PCDH7: variants seen among roughly 807,000 people sequenced by gnomAD.
PCDH7 encodes protocadherin-7.
Under a neutral mutation model 58.9 loss-of-function variants are expected in PCDH7, and 17 were observed. That is an observed-to-expected ratio of 0.29 (90% CI 0.20 to 0.43). The LOEUF (loss-of-function observed/expected upper bound fraction) is 0.43, where lower values mean the gene tolerates loss of function less well. Ranked by LOEUF, PCDH7 falls within the 20% of genes least tolerant of loss-of-function variation. The pLI is 1.00. For synonymous variants in PCDH7, 664 were observed against 616.4 expected, an observed-to-expected ratio of 1.08 and a Z score of -1.14; for missense variants, 1,274 against 1,441.0, an observed-to-expected ratio of 0.88 and a Z score of 1.88.
intron 1 of PCDH7, among the ~76,000 whole-genome samples, chr4:30,878,503 A>G (rs796302091): frequency 2.6e-5 from 4 of 152,216 alleles, no homozygotes; most frequent in African/African-American, 9.6e-5. Context: ...GAATAACGTG[A>G]TGCAAAAGGA....
chr4:31,095,047 A>G (rs1713777604), intron 3 of PCDH7, among the ~76,000 whole-genome samples: 1 of 152,206 alleles, frequency 6.6e-6, no homozygotes, highest in African/African-American at 2.4e-5. Context: ...TTCAGAAACA[A>G]AAAGACCTTT....
chr4:30,962,559 G>A (rs1225162731), intron 3 of PCDH7, among the ~76,000 whole-genome samples: 1 of 151,914 alleles, frequency 6.6e-6, no homozygotes, highest in Non-Finnish European at 1.5e-5. Flanking sequence ...AACCCAAGTG[G>A]GAGGATTACT....
chr4:30,767,352 C>T (rs1252181981), intron 1 of PCDH7, among the ~76,000 whole-genome samples: 1 of 152,110 alleles, frequency 6.6e-6, no homozygotes. Context: ...AATAAGAACA[C>T]GGGTGATTAG....
chr4:30,762,723 G>T (rs1720187363), intron 1 of PCDH7, among the ~76,000 whole-genome samples: 1 of 152,206 alleles, frequency 6.6e-6, no homozygotes, highest in Admixed American at 6.5e-5. Flanking sequence ...TAGATCTTCA[G>T]AGTAAGGCAG....
At chr4:30,979,325 C>CAAA (rs80272564) in intron 3 of PCDH7, among the ~76,000 whole-genome samples, 1 of 96,640 alleles carries the variant, frequency 1.0e-5, no homozygotes, top group African/African-American at 3.9e-5. Context: ...AACTCTGTCT[C>CAAA]AAAAAAAAAA....
chr4:30,966,622 A>T (rs1037304402), intron 3 of PCDH7, among the ~76,000 whole-genome samples: 1 of 151,988 alleles, frequency 6.6e-6, no homozygotes, highest in Non-Finnish European at 1.5e-5. Context: ...GTAAGCAGGG[A>T]TGTGTTTAGT....
intron 2 of PCDH7, among the ~76,000 whole-genome samples, chr4:30,944,446 C>T (rs983464750): frequency 1.3e-5 from 2 of 151,832 alleles, no homozygotes; most frequent in African/African-American, 2.4e-5. Flanking sequence ...CAGATATACC[C>T]CACATAAGCA....
At chr4:30,733,393 T>C (rs1715792607), downstream of PCDH7, among the ~76,000 whole-genome samples, 1 of 152,102 alleles carries the variant, frequency 6.6e-6, no homozygotes, top group Non-Finnish European at 1.5e-5. Flanking sequence ...TTTGCCCTCA[T>C]GGAATTAATA....
At chr4:30,944,676 T>G (rs563994324) in intron 2 of PCDH7, among the ~76,000 whole-genome samples, 3 of 152,242 alleles carry the variant, frequency 2.0e-5, no homozygotes, top group African/African-American at 7.2e-5. Context: ...AACAAACAAC[T>G]GTAAGTCAGG....
intron 1 of PCDH7, among the ~76,000 whole-genome samples, chr4:30,861,324 CATG>C (rs1461620384): frequency 6.6e-6 from 1 of 152,144 alleles, no homozygotes; most frequent in Non-Finnish European, 1.5e-5. Context: ...GCAGGTATAA[CATG>C]ATTAACCAGG....
chr4:30,795,114 G>A (rs1724620745), intron 1 of PCDH7, among the ~76,000 whole-genome samples: 1 of 152,082 alleles, frequency 6.6e-6, no homozygotes, highest in African/African-American at 2.4e-5. Flanking sequence ...GAGACTTTGG[G>A]GAAGTTACTT....
chr4:31,050,923 G>T (rs1391337649), intron 3 of PCDH7, among the ~76,000 whole-genome samples: 1 of 152,012 alleles, frequency 6.6e-6, no homozygotes, highest in Non-Finnish European at 1.5e-5. Context: ...TTATAGCTAG[G>T]TTCTCTGCTT....
At chr4:31,098,282 CAT>C (rs983975890) in intron 3 of PCDH7, among the ~76,000 whole-genome samples, 1 of 152,300 alleles carries the variant, frequency 6.6e-6, no homozygotes, top group Non-Finnish European at 1.5e-5. Context: ...TGGAAAAAGT[CAT>C]AAGCTATTTT....
At chr4:30,977,633 A>G (rs529843728) in intron 3 of PCDH7, among the ~76,000 whole-genome samples, 3 of 152,300 alleles carry the variant, frequency 2.0e-5, no homozygotes, top group African/African-American at 7.2e-5. Flanking sequence ...ATTTTCATGC[A>G]CTAGAGTGTT....
chr4:30,949,760 A>G (rs1560527543), intron 2 of PCDH7, among the ~76,000 whole-genome samples: 1 of 152,110 alleles, frequency 6.6e-6, no homozygotes, highest in Non-Finnish European at 1.5e-5. Flanking sequence ...GAAAGAAAAT[A>G]CATATCTATT....
chr4:30,955,519 T>G (rs982104757), intron 3 of PCDH7, among the ~76,000 whole-genome samples: 5 of 151,500 alleles, frequency 3.3e-5, no homozygotes, highest in Non-Finnish European at 7.4e-5. Flanking sequence ...TTATTTTATT[T>G]TATTTCATTT....
intron 1 of PCDH7, among the ~76,000 whole-genome samples, chr4:30,789,603 G>T (rs1021297092): frequency 2.0e-5 from 3 of 151,082 alleles, no homozygotes; most frequent in Admixed American, 1.3e-4. Flanking sequence ...TGTATAGAGG[G>T]TTTTTTTTTC....
intron 3 of PCDH7, among the ~76,000 whole-genome samples, chr4:31,078,108 C>A (rs1292115179): frequency 1.3e-5 from 2 of 152,112 alleles, no homozygotes; most frequent in Non-Finnish European, 2.9e-5. Context: ...CCTCCCTGAA[C>A]AAATTAGGGA....
rs1001199152 is a variant in PCDH7, at chr4:31,090,777, T to C, written c.*8-51696T>C. Among the ~76,000 whole-genome samples, 9 of 152,086 alleles carry C rather than the reference T, an allele frequency of 5.9e-5. No homozygotes were observed. The South Asian group carries it at 1.4e-3, about 24-fold the overall frequency. On this transcript the variant is annotated intron_variant, in intron 3 of 3. Transcript: ENST00000509759. ...AGAAGCATAGTATTTTTTAAAGATA[T>C]TTCTTGACTATTTTTTTCTGTTCTA...
Sources: gnomAD v4.1 joint callset for allele counts (sites outside exome capture counted in the v4.1 genomes callset) on GRCh38, gnomAD v4.1.1 for gene constraint, MANE v1.5 for transcripts, NCBI Gene and HGNC (gene_info 2026-07-23, HGNC 2026-07-21) for gene names.